Variants in CFAP95 observed in about 807,000 individuals in gnomAD.
CFAP95 encodes the protein cilia and flagella associated protein 95.
chr9:69,900,998 A>AAT, the CFAP95 span, among the ~76,000 whole-genome samples: 1 of 152,008 alleles, frequency 6.6e-6, no homozygotes, highest in Admixed American at 6.6e-5. Flanking sequence ...TATATCTCCT[A>AAT]ATGCTATCCC....
At chr9:69,899,063 C>T in the CFAP95 span, among the ~76,000 whole-genome samples, 2 of 152,224 alleles carry the variant, frequency 1.3e-5, no homozygotes, top group Admixed American at 1.3e-4. Context: ...AATGCCCACT[C>T]ATTCCACACA....
chr9:69,865,551 C>T, the CFAP95 span, among the ~76,000 whole-genome samples: 75 of 152,244 alleles, frequency 4.9e-4, 1 homozygote, highest in East Asian at 0.013. Flanking sequence ...CCCATTTCTA[C>T]CTCCCCACAA....
the CFAP95 span, among the ~76,000 whole-genome samples, chr9:69,877,684 T>C: frequency 1.3e-5 from 2 of 152,200 alleles, no homozygotes; most frequent in African/African-American, 2.4e-5. Context: ...AATTTGTAGA[T>C]TCTCTTGTAT....
chr9:69,885,180 G>C, the CFAP95 span: 1 of 152,296 alleles, frequency 6.6e-6, no homozygotes, highest in Non-Finnish European at 1.5e-5. Flanking sequence ...TTGGGGTTCT[G>C]TTACTTTCTC....
chr9:69,902,982 G>A, the CFAP95 span, among the ~76,000 whole-genome samples: 1 of 152,158 alleles, frequency 6.6e-6, no homozygotes, highest in Admixed American at 6.5e-5. Context: ...TTATTCAGGT[G>A]TATGTTAGGA....
chr9:69,858,193 C>T, the CFAP95 span: 1 of 524,990 alleles, frequency 1.9e-6, no homozygotes, highest in South Asian at 2.4e-5. Flanking sequence ...TTTGCAGATC[C>T]TGTATTTGTA....
the CFAP95 span, among the ~76,000 whole-genome samples, chr9:69,869,599 A>C: frequency 6.6e-6 from 1 of 152,184 alleles, no homozygotes; most frequent in African/African-American, 2.4e-5. Flanking sequence ...GTAGGTCTGA[A>C]TTGTTCTTAT....
the CFAP95 span, among the ~76,000 whole-genome samples, chr9:69,871,028 G>A: frequency 4.7e-4 from 71 of 152,184 alleles, no homozygotes; most frequent in African/African-American, 1.6e-3. Flanking sequence ...AGACCAGCCT[G>A]GCCAACATGG....
At chr9:69,902,612 C>A in the CFAP95 span, among the ~76,000 whole-genome samples, 4 of 151,974 alleles carry the variant, frequency 2.6e-5, no homozygotes, top group Non-Finnish European at 5.9e-5. Context: ...TCCCACAATA[C>A]CAATTTTGCC....
the CFAP95 span, among the ~76,000 whole-genome samples, chr9:69,875,574 T>A: frequency 9.2e-5 from 14 of 152,250 alleles, no homozygotes; most frequent in Admixed American, 8.5e-4. Context: ...ACCCAAAAGC[T>A]GACCTGCAGG....
At chr9:69,827,032 C>T in the CFAP95 span, among the ~76,000 whole-genome samples, 3 of 152,052 alleles carry the variant, frequency 2.0e-5, no homozygotes, top group African/African-American at 7.3e-5. Context: ...GTAGAAATGA[C>T]CTTAGAAGGG....
the CFAP95 span, among the ~76,000 whole-genome samples, chr9:69,871,178 A>G: frequency 6.6e-6 from 1 of 152,084 alleles, no homozygotes; most frequent in African/African-American, 2.4e-5. Flanking sequence ...AGATCGCCAC[A>G]CTGCATTCCA....
the CFAP95 span, among the ~76,000 whole-genome samples, chr9:69,835,956 C>A: frequency 6.6e-6 from 1 of 152,316 alleles, no homozygotes; most frequent in South Asian, 2.1e-4. Flanking sequence ...GCTGGGCCCT[C>A]TGGCTTGGGG....
chr9:69,896,727 T>C, the CFAP95 span, among the ~76,000 whole-genome samples: 1 of 152,082 alleles, frequency 6.6e-6, no homozygotes, highest in Non-Finnish European at 1.5e-5. Flanking sequence ...AAATATCCAA[T>C]AGAAATAAAA....
the CFAP95 span, among the ~76,000 whole-genome samples, chr9:69,859,089 C>A: frequency 1.5e-4 from 23 of 152,116 alleles, no homozygotes; most frequent in African/African-American, 5.3e-4. Context: ...ACGTGGTGAA[C>A]CTTTCAGTTT....
the CFAP95 span, among the ~76,000 whole-genome samples, chr9:69,853,793 G>T: frequency 7.4e-4 from 112 of 152,290 alleles, no homozygotes; most frequent in African/African-American, 2.6e-3. Context: ...TGGTATGAAA[G>T]TTCTATGTAT....
the CFAP95 span, among the ~76,000 whole-genome samples, chr9:69,858,951 C>G: frequency 6.6e-6 from 1 of 152,184 alleles, no homozygotes; most frequent in African/African-American, 2.4e-5. Flanking sequence ...TGGAAATACA[C>G]TTATAAGCAT....
the CFAP95 span, among the ~76,000 whole-genome samples, chr9:69,857,130 A>T: frequency 6.6e-6 from 1 of 152,222 alleles, no homozygotes; most frequent in African/African-American, 2.4e-5. Flanking sequence ...CTGACATGCA[A>T]TAAGAATTAG....
the CFAP95 span, among the ~76,000 whole-genome samples, chr9:69,903,920 C>T: frequency 6.6e-5 from 10 of 152,090 alleles, no homozygotes; most frequent in South Asian, 6.2e-4. Context: ...GACGTGGTCT[C>T]ACTGTGTTGC....
Sources: allele counts gnomAD v4.1 joint callset (sites outside exome capture counted in the v4.1 genomes callset), GRCh38; gene constraint gnomAD v4.1.1; transcripts MANE v1.5; gene names NCBI Gene and HGNC (gene_info 2026-07-23, HGNC 2026-07-21).